The following TIAM1 variants were observed in gnomAD, a reference collection of about 807,000 sequenced individuals.
TIAM1 encodes rho guanine nucleotide exchange factor TIAM1.
TIAM1 carries 65 observed loss-of-function variants against 163.5 expected under a neutral mutation model. The observed-to-expected ratio is 0.40, with a 90% CI of 0.33 to 0.49. TIAM1 has a LOEUF of 0.49. Among genes scored for constraint, TIAM1 ranks in the 20% least tolerant of loss-of-function variants. The pLI is 0.77. For missense variants in TIAM1, 1,789 were observed against 2,044.7 expected (o/e 0.87, Z 2.41); for synonymous variants, 833 against 810.1 (o/e 1.03, Z -0.48).
rs373457964 is a variant in TIAM1, at chr21:31,432,137, T to C, written c.-369+31846A>G. Among the ~76,000 whole-genome samples the C allele has an allele frequency of 2.5e-3, 350 of 138,318 alleles. 1 individual carries two copies. The highest frequency in any genetic ancestry group is 9.0e-3 in the African/African-American group (328 of 36,446). The allele number at this position is 138,318 out of a possible 152,430, so 90.7% of individuals were successfully genotyped here. On this transcript the variant is annotated intron_variant, in intron 2 of 28. Transcript: ENST00000286827. ...TTTTTTTTGAGACGGAGTCTCGCTC[T>C]GACACCAGGCTGGAGGGCAGTGGCG...
chr21:31,128,667 T>G (rs115981937), intron 25 of TIAM1, among the ~76,000 whole-genome samples: 1,866 of 152,278 alleles, frequency 0.012, 43 homozygotes, highest in African/African-American at 0.042. Context: ...CATATATAAA[T>G]CAATTTTGCA....
At chr21:31,193,024 C>A (rs1394326660) in intron 13 of TIAM1, among the ~76,000 whole-genome samples, 1 of 152,178 alleles carries the variant, frequency 6.6e-6, no homozygotes, top group African/African-American at 2.4e-5. Flanking sequence ...CTGACTGATA[C>A]AGCACAGCAT....
At chr21:31,415,768 G>A (rs1228094728) in intron 2 of TIAM1, among the ~76,000 whole-genome samples, 1 of 152,120 alleles carries the variant, frequency 6.6e-6, no homozygotes, top group Non-Finnish European at 1.5e-5. Flanking sequence ...TTGAACGTTT[G>A]AGCTCCTGGG....
rs1232481905 is a variant in TIAM1 at position 31,395,707 on chromosome 21, C to T, written c.-368-56285G>A. ...AAACATCTATCTTGGGGAGGGGGCG[C>T]ATGCGTTCCCCTGGCTGTCGCGTGA... is the stretch of plus-strand genomic sequence containing the variant. On this transcript the variant is annotated intron_variant, in intron 2 of 28. Transcript: ENST00000286827. This position sits in a 1 kb window ranked among gnomAD's most constrained non-coding sequence, Gnocchi z 7.5. Among the ~76,000 whole-genome samples, 1 of 152,116 alleles carries T rather than the reference C, an allele frequency of 6.6e-6. No individual in the cohort carries two copies. The highest frequency in any genetic ancestry group is 1.5e-5 in the Non-Finnish European group (1 of 68,032).
intron 22 of TIAM1, among the ~76,000 whole-genome samples, chr21:31,139,294 C>T (rs898574325): frequency 3.9e-5 from 6 of 151,984 alleles, no homozygotes; most frequent in Non-Finnish European, 7.4e-5. Flanking sequence ...TGTAATATGA[C>T]GTAATGAAAA....
chr21:31,385,534 T>C (rs2076850984), intron 2 of TIAM1, among the ~76,000 whole-genome samples: 1 of 151,900 alleles, frequency 6.6e-6, no homozygotes, highest in Non-Finnish European at 1.5e-5. Flanking sequence ...GGCAATAAGC[T>C]AGGATCTGTA....
chr21:31,491,441 T>TC (rs1326562115), intron 1 of TIAM1, among the ~76,000 whole-genome samples: 1 of 152,256 alleles, frequency 6.6e-6, no homozygotes, highest in Non-Finnish European at 1.5e-5. Flanking sequence ...AGACAATGTG[T>TC]CAGATTGTCT....
chr21:31,540,112 G>A (rs573303437), intron 1 of TIAM1, among the ~76,000 whole-genome samples: 11 of 152,268 alleles, frequency 7.2e-5, no homozygotes, highest in East Asian at 1.9e-4. Flanking sequence ...CAGGCCGGGC[G>A]CAGTGGCTCA....
intron 20 of TIAM1, among the ~76,000 whole-genome samples, chr21:31,142,160 T>C (rs2082875301): frequency 6.6e-6 from 1 of 152,028 alleles, no homozygotes; most frequent in African/African-American, 2.4e-5. Context: ...TGGCATGGGG[T>C]GCCCCTGCCT....
At chr21:31,323,392 G>A (rs1214149865) in intron 2 of TIAM1, among the ~76,000 whole-genome samples, 2 of 151,588 alleles carry the variant, frequency 1.3e-5, no homozygotes, top group Non-Finnish European at 2.9e-5. Flanking sequence ...TGACGTTCCA[G>A]AAAAAACAAA....
At chr21:31,370,738 T>C (rs938232092) in intron 2 of TIAM1, among the ~76,000 whole-genome samples, 16 of 152,224 alleles carry the variant, frequency 1.1e-4, no homozygotes, top group African/African-American at 3.6e-4. Context: ...TGCAGACATA[T>C]TTTGTTTGGA....
intron 5 of TIAM1, among the ~76,000 whole-genome samples, chr21:31,251,259 G>T (rs2071789471): frequency 6.6e-6 from 1 of 152,188 alleles, no homozygotes; most frequent in Non-Finnish European, 1.5e-5. Context: ...TGTGAAAAGA[G>T]AAAATCAAAC....
chr21:31,271,204 T>C (rs1217398966), intron 3 of TIAM1, among the ~76,000 whole-genome samples: 1 of 151,076 alleles, frequency 6.6e-6, no homozygotes, highest in Admixed American at 6.6e-5. Context: ...TGAAAGGTTG[T>C]AGGTGGTCCA....
intron 1 of TIAM1, among the ~76,000 whole-genome samples, chr21:31,522,161 A>G (rs2147497859): frequency 6.6e-6 from 1 of 151,594 alleles, no homozygotes; most frequent in South Asian, 2.1e-4. Context: ...GTGAGCCACC[A>G]CGCCCGGCCG....
At chr21:31,331,164 G>A (rs1464007082) in intron 2 of TIAM1, among the ~76,000 whole-genome samples, 1 of 152,182 alleles carries the variant, frequency 6.6e-6, no homozygotes, top group Non-Finnish European at 1.5e-5. Context: ...CAACCAAGTA[G>A]TCAACGAAGA....
At chr21:31,542,221 C>T (rs1322747047) in intron 1 of TIAM1, among the ~76,000 whole-genome samples, 1 of 151,698 alleles carries the variant, frequency 6.6e-6, no homozygotes, top group Non-Finnish European at 1.5e-5. Context: ...GTCAGGAGAA[C>T]GAGACCATCC....
At chr21:31,526,361 C>G (rs2047784809) in intron 1 of TIAM1, among the ~76,000 whole-genome samples, 1 of 152,216 alleles carries the variant, frequency 6.6e-6, no homozygotes, top group Admixed American at 6.5e-5. Context: ...TGAGTGCATG[C>G]ACGGCGGAAA....
chr21:31,197,379 CTT>C (rs1258537968), intron 12 of TIAM1, among the ~76,000 whole-genome samples: 13 of 142,528 alleles, frequency 9.1e-5, no homozygotes, highest in Non-Finnish European at 1.5e-4. Context: ...TTTCTTTTTT[CTT>C]TTTTTTTTTT....
chr21:31,392,999 G>A (rs893365569), intron 2 of TIAM1, among the ~76,000 whole-genome samples: 21 of 149,800 alleles, frequency 1.4e-4, no homozygotes, highest in Admixed American at 2.7e-4. Flanking sequence ...TCTGTTGCCC[G>A]GGCTAGAGTG....
Sources: allele counts gnomAD v4.1 joint callset (sites outside exome capture counted in the v4.1 genomes callset), GRCh38; gene constraint gnomAD v4.1.1; non-coding constraint Gnocchi (gnomAD v3.1); transcripts MANE v1.5; gene names NCBI Gene and HGNC (gene_info 2026-07-23, HGNC 2026-07-21).